CTIF: variants seen among roughly 807,000 people sequenced by gnomAD.
CTIF encodes the protein cap binding complex dependent translation initiation factor.
CTIF carries 21 observed loss-of-function variants against 66.0 expected under a neutral mutation model. That is an observed-to-expected ratio of 0.32 (90% CI 0.23 to 0.46). The LOEUF (loss-of-function observed/expected upper bound fraction) is 0.46, where lower values mean the gene tolerates loss of function less well. CTIF is among the 20% of genes least tolerant of loss of function. The pLI is 1.00. For synonymous variants in CTIF, 345 were observed against 326.4 expected, an observed-to-expected ratio of 1.06 and a Z score of -0.62; for missense variants, 739 against 812.7, an observed-to-expected ratio of 0.91 and a Z score of 1.10.
At chr18:48,814,690 G>A (rs894124140) in intron 9 of CTIF, among the ~76,000 whole-genome samples, 1 of 152,176 alleles carries the variant, frequency 6.6e-6, no homozygotes, top group African/African-American at 2.4e-5. Flanking sequence ...CCCTGGGGTG[G>A]CAGGCAATGT....
At chr18:48,800,996 C>T (rs1364937929) in intron 9 of CTIF, among the ~76,000 whole-genome samples, 2 of 152,252 alleles carry the variant, frequency 1.3e-5, no homozygotes, top group African/African-American at 2.4e-5. Context: ...CTTCACCCAT[C>T]CCCACAGGTG....
intron 1 of CTIF, among the ~76,000 whole-genome samples, chr18:48,572,604 A>G (rs990953883): frequency 6.6e-6 from 1 of 152,202 alleles, no homozygotes; most frequent in South Asian, 2.1e-4. Context: ...ATGGGAGTTA[A>G]TGCTGCTTCA....
chr18:48,737,371 T>G (rs1346628047), intron 7 of CTIF, among the ~76,000 whole-genome samples: 1 of 152,172 alleles, frequency 6.6e-6, no homozygotes, highest in East Asian at 1.9e-4. Flanking sequence ...GAAGAAGCAG[T>G]GAGGTCATGA....
At chr18:48,685,758 C>T (rs564227876) in intron 6 of CTIF, among the ~76,000 whole-genome samples, 25 of 152,038 alleles carry the variant, frequency 1.6e-4, no homozygotes, top group African/African-American at 6.0e-4. Flanking sequence ...GTCACTGCAA[C>T]CTCTGCCTCC....
At chr18:48,750,211 G>T (rs1907669626) in intron 7 of CTIF, among the ~76,000 whole-genome samples, 1 of 152,256 alleles carries the variant, frequency 6.6e-6, no homozygotes, top group African/African-American at 2.4e-5. Context: ...CTGAGTCGGG[G>T]TTGGTCTCCC....
At chr18:48,710,914 G>A (rs1486420255) in intron 6 of CTIF, among the ~76,000 whole-genome samples, 2 of 152,152 alleles carry the variant, frequency 1.3e-5, no homozygotes, top group Non-Finnish European at 2.9e-5. Context: ...CAAGGCTGCA[G>A]TGAGCCGTGT....
intron 7 of CTIF, among the ~76,000 whole-genome samples, chr18:48,736,973 T>C (rs541190067): frequency 1.4e-4 from 22 of 152,290 alleles, no homozygotes; most frequent in African/African-American, 4.8e-4. Flanking sequence ...GCTTGACCCC[T>C]GCTTTGCATG....
chr18:48,657,415 A>G (rs2091262776), intron 3 of CTIF, among the ~76,000 whole-genome samples: 1 of 152,152 alleles, frequency 6.6e-6, no homozygotes, highest in Non-Finnish European at 1.5e-5. Context: ...AATGAGGACC[A>G]TTTAGAGGAA....
intron 1 of CTIF, among the ~76,000 whole-genome samples, chr18:48,555,123 T>C (rs2088986418): frequency 6.6e-6 from 1 of 152,226 alleles, no homozygotes; most frequent in Non-Finnish European, 1.5e-5. Context: ...GGACACGGAA[T>C]GGAATACGGT....
chr18:48,672,709 C>T (rs1355476631), intron 6 of CTIF, among the ~76,000 whole-genome samples: 1 of 152,200 alleles, frequency 6.6e-6, no homozygotes, highest in Non-Finnish European at 1.5e-5. Flanking sequence ...CTGCCCTCCA[C>T]TTCTGCACCC....
intron 2 of CTIF, among the ~76,000 whole-genome samples, chr18:48,621,843 C>A (rs2090499305): frequency 6.6e-6 from 1 of 152,244 alleles, no homozygotes; most frequent in Admixed American, 6.5e-5. Context: ...GAAATAAGGT[C>A]AAAATAGGAG....
chr18:48,547,136 G>T (rs1021703241), intron 1 of CTIF, among the ~76,000 whole-genome samples: 4 of 152,114 alleles, frequency 2.6e-5, no homozygotes, highest in African/African-American at 7.2e-5. Flanking sequence ...GGTGCCCCTC[G>T]GTAGGAACCT....
intron 3 of CTIF, among the ~76,000 whole-genome samples, chr18:48,658,957 C>T (rs959843345): frequency 6.6e-6 from 1 of 152,084 alleles, no homozygotes; most frequent in African/African-American, 2.4e-5. Flanking sequence ...TGAGGCCTGG[C>T]CCCCTGGGCA....
intron 9 of CTIF, among the ~76,000 whole-genome samples, chr18:48,780,525 T>C (rs1911102639): frequency 6.6e-6 from 1 of 152,184 alleles, no homozygotes; most frequent in African/African-American, 2.4e-5. Flanking sequence ...AGGGACACTT[T>C]ATCCAGCACG....
chr18:48,743,651 G>T (rs1349975391), intron 7 of CTIF, among the ~76,000 whole-genome samples: 2 of 152,198 alleles, frequency 1.3e-5, no homozygotes, highest in Non-Finnish European at 2.9e-5. Context: ...GCTAAATTTT[G>T]CCTGTATTCA....
At chr18:48,792,338 CG>C (rs1293085850) in intron 9 of CTIF, among the ~76,000 whole-genome samples, 3 of 152,020 alleles carry the variant, frequency 2.0e-5, no homozygotes, top group African/African-American at 7.2e-5. Flanking sequence ...ATCAGGTCAG[CG>C]GGATGCTGGG....
At chr18:48,780,457 TGTTA>T (rs1911098453) in intron 9 of CTIF, among the ~76,000 whole-genome samples, 1 of 149,598 alleles carries the variant, frequency 6.7e-6, no homozygotes, top group Non-Finnish European at 1.5e-5. Context: ...GGTGTCCCGG[TGTTA>T]GTTCAAAATC....
At chr18:48,669,420 A>T (rs1165775244) in intron 5 of CTIF, among the ~76,000 whole-genome samples, 1 of 151,894 alleles carries the variant, frequency 6.6e-6, no homozygotes, top group Non-Finnish European at 1.5e-5. Flanking sequence ...TGTTTGCCTC[A>T]TTTATTTAAA....
chr18:48,663,768 A>G lies in CTIF; in HGVS notation c.269A>G (p.Asn90Ser), dbSNP rs2091387055. 4.3e-6 allele frequency: 7 copies of G among 1,613,680 alleles called. No individual in the cohort carries two copies. The highest frequency in any genetic ancestry group is 1.3e-5 in the African/African-American group (1 of 74,796). The change falls in exon 4 of 12, where the codon AAC becomes AGC. Residue 90 changes from asparagine to serine, a missense_variant. This residue lies in a region of CTIF where 529 missense variants were observed against 520.3 expected (regional missense o/e 1.02). Coordinates refer to ENST00000256413, the MANE Select transcript of CTIF (RefSeq NM_014772.3). ...APPQQNGSKD[N>S]SLDMLGTDIW... Reference sequence around the variant, plus strand: ...CTCTTCCAGAATGGCAGCAAAGACAACTCTCTGGACATGCTGGGCACGGAC... The same window carrying G: ...CTCTTCCAGAATGGCAGCAAAGACAGCTCTCTGGACATGCTGGGCACGGAC...
Sources: allele counts gnomAD v4.1 joint callset (sites outside exome capture counted in the v4.1 genomes callset), GRCh38; gene constraint gnomAD v4.1.1; regional missense constraint gnomAD v4.1.1; transcripts MANE v1.5; gene names NCBI Gene and HGNC (gene_info 2026-07-23, HGNC 2026-07-21).